Variants in NYAP2 observed in about 807,000 individuals in gnomAD.
The protein encoded by NYAP2 is neuronal tyrosine-phosphorylated phosphoinositide-3-kinase adaptor 2, also known as neuronal tyrosine-phosphorylated phosphoinositide-3-kinase adapter 2.
In NYAP2, 23 loss-of-function variants were observed where a neutral mutation model predicts 50.4. The observed-to-expected ratio is 0.46, with a 90% CI of 0.33 to 0.65. NYAP2 has a LOEUF of 0.65. Among genes scored for constraint, NYAP2 ranks in the 30% least tolerant of loss-of-function variants. The pLI is 0.02. For missense variants in NYAP2, 885 were observed against 861.0 expected (o/e 1.03, Z -0.35); for synonymous variants, 394 against 365.2 (o/e 1.08, Z -0.90).
At chr2:225,639,503 C>T (rs1335103194) in intron 6 of NYAP2, among the ~76,000 whole-genome samples, 2 of 151,978 alleles carry the variant, frequency 1.3e-5, no homozygotes, top group African/African-American at 4.8e-5. Context: ...AACTGAGGCT[C>T]AAGAGAAATC....
At chr2:225,432,424 A>ATATATG (rs1345271677) in intron 3 of NYAP2, among the ~76,000 whole-genome samples, 1 of 150,064 alleles carries the variant, frequency 6.7e-6, no homozygotes, top group Non-Finnish European at 1.5e-5. Flanking sequence ...TCAACTTTAT[A>ATATATG]TATATAAATT....
intron 6 of NYAP2, among the ~76,000 whole-genome samples, chr2:225,633,274 G>C (rs1364854363): frequency 6.6e-6 from 1 of 152,200 alleles, no homozygotes; most frequent in African/African-American, 2.4e-5. Flanking sequence ...AGGGTTTATA[G>C]TGTAACATTT....
At chr2:225,565,244 C>G (rs1691941964) in intron 4 of NYAP2, among the ~76,000 whole-genome samples, 1 of 152,092 alleles carries the variant, frequency 6.6e-6, no homozygotes, top group Non-Finnish European at 1.5e-5. Flanking sequence ...AATTAAAACT[C>G]ACTTAAGGGA....
chr2:225,630,280 T>C (rs1024389990), intron 6 of NYAP2, among the ~76,000 whole-genome samples: 1 of 152,216 alleles, frequency 6.6e-6, no homozygotes, highest in East Asian at 1.9e-4. Context: ...TAATAGCCCT[T>C]GTTTGCACCC....
At position 225,582,735 on chromosome 2, in the gene NYAP2, G is replaced by A. The variant is rs551391208; in HGVS notation, c.1318G>A (p.Val440Ile). 1.2e-5 allele frequency: 20 copies of A among 1,610,662 alleles called. No homozygotes were observed. Among genetic ancestry groups the A allele is most frequent in the South Asian group, 8.8e-5 (8 of 90,932 alleles). ...AAGTCACTCCACCTCTCCCTCCCCC[G>A]TCAGCATGGGGAGGTCCCTGACTCC... Residue 440 changes from valine to isoleucine, a missense_variant, in exon 5 of 7, where the codon GTC (valine) becomes ATC (isoleucine). By Grantham distance (29) the Val-to-Ile change is conservative. Coordinates refer to ENST00000636099, the Ensembl canonical transcript of NYAP2. This position sits in a 1 kb window ranked among gnomAD's most constrained non-coding sequence, Gnocchi z 7.0.
intron 5 of NYAP2, among the ~76,000 whole-genome samples, chr2:225,624,258 A>T (rs1341075644): frequency 6.6e-6 from 1 of 152,214 alleles, no homozygotes; most frequent in South Asian, 2.1e-4. Context: ...AGTTTGTCTA[A>T]AGTGTTTCGT....
At chr2:225,544,351 C>T (rs1410449280) in intron 4 of NYAP2, among the ~76,000 whole-genome samples, 1 of 151,218 alleles carries the variant, frequency 6.6e-6, no homozygotes, top group African/African-American at 2.4e-5. Flanking sequence ...GGTCTTCTTT[C>T]TTCCTGTCTT....
intron 3 of NYAP2, among the ~76,000 whole-genome samples, chr2:225,439,716 T>C (rs1439105078): frequency 1.3e-5 from 2 of 152,134 alleles, no homozygotes; most frequent in African/African-American, 2.4e-5. Context: ...GCTAAGCAAA[T>C]GTCAGGAAGC....
intron 4 of NYAP2, among the ~76,000 whole-genome samples, chr2:225,565,213 G>A (rs943284572): frequency 6.6e-6 from 1 of 151,704 alleles, no homozygotes; most frequent in Non-Finnish European, 1.5e-5. Flanking sequence ...ACTCCACTTT[G>A]TGATTTTTAG....
At chr2:225,585,533 A>G (rs1223370887) in intron 5 of NYAP2, among the ~76,000 whole-genome samples, 1 of 152,234 alleles carries the variant, frequency 6.6e-6, no homozygotes, top group African/African-American at 2.4e-5. Context: ...AGAGTGGTCA[A>G]GGCTCTTTAT....
chr2:225,682,578 G>C, the NYAP2 span, among the ~76,000 whole-genome samples: 4 of 152,146 alleles, frequency 2.6e-5, no homozygotes, highest in African/African-American at 9.7e-5. Flanking sequence ...AGGTGGAGGA[G>C]GAAAGGAGAC....
chr2:225,424,961 A>G (rs1419008609), intron 3 of NYAP2, among the ~76,000 whole-genome samples: 2 of 152,214 alleles, frequency 1.3e-5, no homozygotes, highest in African/African-American at 2.4e-5. Context: ...GTTCGTTTCC[A>G]TCATATTGAA....
At chr2:225,434,322 T>C (rs1312233512) in intron 3 of NYAP2, among the ~76,000 whole-genome samples, 2 of 152,160 alleles carry the variant, frequency 1.3e-5, no homozygotes, top group African/African-American at 4.8e-5. Flanking sequence ...TAGCACCAGC[T>C]TTTCCACGTG....
intron 6 of NYAP2, among the ~76,000 whole-genome samples, chr2:225,629,093 A>C (rs1693265648): frequency 6.6e-6 from 1 of 152,208 alleles, no homozygotes; most frequent in South Asian, 2.1e-4. Flanking sequence ...TGCAAGCTGT[A>C]GGCCCAGGAA....
intron 4 of NYAP2, among the ~76,000 whole-genome samples, chr2:225,560,010 T>C (rs1691845010): frequency 6.6e-6 from 1 of 152,080 alleles, no homozygotes; most frequent in African/African-American, 2.4e-5. Flanking sequence ...TTATAGTTGC[T>C]TATTTTAAAA....
the NYAP2 span, among the ~76,000 whole-genome samples, chr2:225,664,023 C>T: frequency 1.3e-5 from 2 of 152,218 alleles, no homozygotes; most frequent in South Asian, 4.1e-4. Context: ...CTTTCCCAAG[C>T]AGCTCTCCCT....
intron 3 of NYAP2, among the ~76,000 whole-genome samples, chr2:225,420,219 A>C (rs1695193869): frequency 6.6e-6 from 1 of 152,174 alleles, no homozygotes; most frequent in Non-Finnish European, 1.5e-5. Flanking sequence ...CAATTTGCTA[A>C]TGAATTTCCA....
intron 4 of NYAP2, among the ~76,000 whole-genome samples, chr2:225,552,812 C>G (rs1394847784): frequency 6.6e-6 from 1 of 152,130 alleles, no homozygotes; most frequent in South Asian, 2.1e-4. Flanking sequence ...CTCAGCCTCC[C>G]GAGTAGCTGG....
chr2:225,651,340 T>A, intron 6 of NYAP2, 92 bp from the exon 7 acceptor site: 2 of 1,517,112 alleles, frequency 1.3e-6, no homozygotes, highest in Non-Finnish European at 1.8e-6. Context: ...ATTCCAAGAA[T>A]AAGTAGCGAA....
Sources: allele counts gnomAD v4.1 joint callset (sites outside exome capture counted in the v4.1 genomes callset), GRCh38; gene constraint gnomAD v4.1.1; non-coding constraint Gnocchi (gnomAD v3.1); transcripts MANE v1.5; gene names NCBI Gene and HGNC (gene_info 2026-07-23, HGNC 2026-07-21).